The following ARHGAP28 variants were observed in gnomAD, a reference collection of about 807,000 sequenced individuals.
The protein encoded by ARHGAP28 is rho GTPase-activating protein 28.
In ARHGAP28, 56 loss-of-function variants were observed where a neutral mutation model predicts 90.7. The observed-to-expected ratio is 0.62, with a 90% CI of 0.50 to 0.77. The LOEUF (loss-of-function observed/expected upper bound fraction) is 0.77, where lower values mean the gene tolerates loss of function less well. Among genes scored for constraint, ARHGAP28 ranks in the 30% least tolerant of loss-of-function variants. ARHGAP28 has a pLI of 0.00. For synonymous variants in ARHGAP28, 308 were observed against 323.3 expected (o/e 0.95, Z 0.51); for missense variants, 869 against 900.9 (o/e 0.96, Z 0.45).
At chr18:6,846,325 A>G (rs2056865846) in intron 3 of ARHGAP28, among the ~76,000 whole-genome samples, 1 of 151,976 alleles carries the variant, frequency 6.6e-6, no homozygotes, top group South Asian at 2.1e-4. Context: ...GTTTCTGTAC[A>G]GTTTCTTTTT....
intron 12 of ARHGAP28, among the ~76,000 whole-genome samples, 200 bp from the exon 13 acceptor site, chr18:6,889,688 A>C (rs1425443547): frequency 1.3e-5 from 2 of 152,202 alleles, no homozygotes; most frequent in Non-Finnish European, 2.9e-5. Flanking sequence ...GGCTACTTTC[A>C]TGAAGCAGAC....
At chr18:6,732,137 A>G (rs541129538) in intron 1 of ARHGAP28, among the ~76,000 whole-genome samples, 67 of 152,046 alleles carry the variant, frequency 4.4e-4, no homozygotes, top group Non-Finnish European at 8.5e-4. Context: ...AGTAAAATAG[A>G]ATATAGTATC....
chr18:6,840,588 A>G (rs527799211), intron 3 of ARHGAP28, among the ~76,000 whole-genome samples: 28 of 152,288 alleles, frequency 1.8e-4, no homozygotes, highest in African/African-American at 6.7e-4. Flanking sequence ...TCCTGGAAAG[A>G]CCAAAAGAGG....
Position 6,896,573 on chromosome 18 carries a change from C to T in ARHGAP28, c.1977C>T (p.Leu659=), listed in dbSNP as rs769668803. The change falls in exon 16 of 18, where the codon CTC becomes CTT. Residue 659 remains leucine, a synonymous_variant. Coordinates refer to ENST00000383472, the MANE Select transcript of ARHGAP28 (RefSeq NM_001366230.1). ...LLSKVSMAIQ[L]NNQTKAKDIL... is the part of the protein sequence containing the mutation. The stretch of plus-strand genomic sequence containing the variant: ...CCAAGGTGTCCATGGCCATTCAACT[C>T]AACAATCAAACCAAAGCCAAAGACA... The T allele has an allele frequency of 3.1e-6, 5 of 1,613,978 alleles. No individual in the cohort carries two copies. The highest frequency in any genetic ancestry group is 1.3e-5 in the African/African-American group (1 of 74,900).
intron 1 of ARHGAP28, among the ~76,000 whole-genome samples, chr18:6,742,623 G>C (rs902537237): frequency 6.6e-6 from 1 of 152,176 alleles, no homozygotes; most frequent in Non-Finnish European, 1.5e-5. Context: ...CAGCAGACAG[G>C]TGGCTATACA....
intron 1 of ARHGAP28, among the ~76,000 whole-genome samples, chr18:6,734,036 A>T (rs531971989): frequency 6.6e-6 from 1 of 152,258 alleles, no homozygotes; most frequent in Non-Finnish European, 1.5e-5. Flanking sequence ...CTCACAAGTC[A>T]TAAGTATTTG....
At chr18:6,744,236 A>G (rs2056003369) in intron 1 of ARHGAP28, among the ~76,000 whole-genome samples, 1 of 152,158 alleles carries the variant, frequency 6.6e-6, no homozygotes, top group Admixed American at 6.5e-5. Context: ...AGCGTAAGGA[A>G]GAGGCGTTGC....
chr18:6,870,084 A>G (rs2057071503), intron 6 of ARHGAP28, among the ~76,000 whole-genome samples: 1 of 152,240 alleles, frequency 6.6e-6, no homozygotes, highest in African/African-American at 2.4e-5. Context: ...TTTAGCCATG[A>G]AATACAAATG....
chr18:6,731,164 A>T (rs2055878292), intron 1 of ARHGAP28, among the ~76,000 whole-genome samples: 1 of 152,184 alleles, frequency 6.6e-6, no homozygotes, highest in African/African-American at 2.4e-5. Flanking sequence ...GGAGTTGTGC[A>T]TATACTTTTA....
chr18:6,816,935 A>G (rs1176295388), intron 1 of ARHGAP28, among the ~76,000 whole-genome samples: 1 of 151,788 alleles, frequency 6.6e-6, no homozygotes, highest in Non-Finnish European at 1.5e-5. Context: ...TAAAAACAAA[A>G]AAAAATTAGC....
intron 16 of ARHGAP28, among the ~76,000 whole-genome samples, chr18:6,899,673 T>C (rs368000468): frequency 1.3e-3 from 197 of 152,156 alleles, no homozygotes; most frequent in African/African-American, 4.6e-3. Flanking sequence ...GGTCCTGCAG[T>C]GAGCTAAGTT....
At chr18:6,872,890 A>G (rs2057100914) in intron 7 of ARHGAP28, among the ~76,000 whole-genome samples, 1 of 152,176 alleles carries the variant, frequency 6.6e-6, no homozygotes, top group East Asian at 1.9e-4. Context: ...TTGTCTCAGC[A>G]AGCATATATA....
intron 5 of ARHGAP28, among the ~76,000 whole-genome samples, chr18:6,861,593 C>T (rs572295690): frequency 2.6e-5 from 4 of 152,214 alleles, no homozygotes; most frequent in South Asian, 2.1e-4. Context: ...CACAGGACTG[C>T]GTGTGGTTCC....
chr18:6,814,804 A>T (rs905711903), intron 1 of ARHGAP28, among the ~76,000 whole-genome samples: 5 of 152,240 alleles, frequency 3.3e-5, no homozygotes, highest in African/African-American at 1.2e-4. Context: ...ATTTTTAAAA[A>T]GATGTTTATC....
At chr18:6,870,902 G>A (rs370042832) in intron 7 of ARHGAP28, among the ~76,000 whole-genome samples, 170 bp downstream of exon 7, 68 of 152,052 alleles carry the variant, frequency 4.5e-4, no homozygotes, top group Non-Finnish European at 5.0e-4. Context: ...CCGGGTTCAC[G>A]CCATTCTCCT....
chr18:6,817,032 A>C (rs1373431728), intron 1 of ARHGAP28, among the ~76,000 whole-genome samples: 1 of 151,864 alleles, frequency 6.6e-6, no homozygotes, highest in African/African-American at 2.4e-5. Flanking sequence ...TGAGGCTGCA[A>C]GTAGCTATGA....
intron 3 of ARHGAP28, among the ~76,000 whole-genome samples, chr18:6,844,638 A>AT (rs1248994701): frequency 1.3e-5 from 2 of 152,188 alleles, no homozygotes; most frequent in South Asian, 2.1e-4. Flanking sequence ...TAGCCAGATG[A>AT]TTTTTTGTAT....
chr18:6,811,200 G>T (rs1022200367), intron 1 of ARHGAP28, among the ~76,000 whole-genome samples: 4 of 152,172 alleles, frequency 2.6e-5, no homozygotes, highest in African/African-American at 9.7e-5. Flanking sequence ...TAATCTTGCT[G>T]CTGCAACTGG....
At position 6,753,738 on chromosome 18, in the gene ARHGAP28, C is replaced by T. The variant is rs571595746; in HGVS notation, c.122+23795C>T. 3.3e-5 allele frequency among the ~76,000 whole-genome samples: 5 copies of T among 152,308 alleles called. No individual in the cohort carries two copies. The East Asian group carries it at 5.8e-4, about 18-fold the overall frequency. On this transcript the variant is annotated intron_variant, in intron 1 of 17. Transcript: ENST00000383472. ...TTGAGTTCTGATGGTCTTCCAGAGG[C>T]GTAGCTACTGTATGTTCCGATTCTC...
Sources: allele counts gnomAD v4.1 joint callset (sites outside exome capture counted in the v4.1 genomes callset), GRCh38; gene constraint gnomAD v4.1.1; transcripts MANE v1.5; gene names NCBI Gene and HGNC (gene_info 2026-07-23, HGNC 2026-07-21).